Variants in HTR2C observed in about 807,000 individuals in gnomAD.
The protein encoded by HTR2C is 5-hydroxytryptamine (serotonin) receptor 2C, G protein-coupled.
Under a neutral mutation model 21.0 loss-of-function variants are expected in HTR2C, and 5 were observed. The observed-to-expected ratio is 0.24, with a 90% CI of 0.12 to 0.50. The LOEUF (loss-of-function observed/expected upper bound fraction) is 0.50. HTR2C is among the 20% of genes least tolerant of loss of function. The probability of loss-of-function intolerance (pLI) is 0.98; values close to 1 mark genes in which losing one functional copy is unlikely to be tolerated. For missense variants in HTR2C, 271 were observed against 371.2 expected, an observed-to-expected ratio of 0.73 and a Z score of 2.22; for synonymous variants, 150 against 145.3, an observed-to-expected ratio of 1.03 and a Z score of -0.23.
chrX:114,727,932 A>G (rs2147342866), intron 3 of HTR2C, among the ~76,000 whole-genome samples: 1 of 111,774 alleles, frequency 8.9e-6, no homozygotes, highest in South Asian at 3.7e-4. Context: ...GGGTATGGGA[A>G]AATGAAAGGA....
Position 114,731,411 on chromosome X carries a change from G to T in HTR2C, c.153G>T (p.Gly51=). 1 of 1,209,024 alleles carries T rather than the reference G, an allele frequency of 8.3e-7. No individual in the cohort carries two copies. Among genetic ancestry groups the T allele is most frequent in the Non-Finnish European group, 1.1e-6 (1 of 893,711 alleles). The stretch of plus-strand genomic sequence containing the variant: ...GTGGACGCTTCAAATTCCCAGACGG[G>T]GTACAAAACTGGCCAGCACTTTCAA... ...SDGGRFKFPD[G]VQNWPALSIV... Residue 51 remains glycine, a synonymous_variant, in exon 4 of 6, where the codon GGG becomes GGT. Coordinates refer to ENST00000276198, the MANE Select transcript of HTR2C (RefSeq NM_000868.4).
At chrX:114,597,820 G>C (rs1378579485) in intron 1 of HTR2C, among the ~76,000 whole-genome samples, 2 of 111,946 alleles carry the variant, frequency 1.8e-5, no homozygotes, top group African/African-American at 6.5e-5. Flanking sequence ...AGGTTGTAGA[G>C]AGAAAAGAAA....
intron 3 of HTR2C, among the ~76,000 whole-genome samples, chrX:114,729,806 A>C (rs1200940374): frequency 9.0e-5 from 10 of 111,146 alleles, no homozygotes; most frequent in African/African-American, 2.9e-4. Context: ...AAAAATACAT[A>C]ATATGGAGAA....
intron 4 of HTR2C, among the ~76,000 whole-genome samples, chrX:114,824,608 G>C (rs967581321): frequency 1.8e-5 from 2 of 111,515 alleles, no homozygotes; most frequent in Non-Finnish European, 3.8e-5. Context: ...CTTTAAATTA[G>C]GGTCAAGTTA....
At chrX:114,867,956 T>G (rs1018667658) in intron 5 of HTR2C, among the ~76,000 whole-genome samples, 14 of 111,816 alleles carry the variant, frequency 1.3e-4, no homozygotes, top group Non-Finnish European at 2.3e-4. Flanking sequence ...TCTAGTTTAG[T>G]TCTTTTGCTT....
At chrX:114,728,813 T>C (rs1484813620) in intron 3 of HTR2C, among the ~76,000 whole-genome samples, 3 of 111,938 alleles carry the variant, frequency 2.7e-5, no homozygotes, top group African/African-American at 9.7e-5. Flanking sequence ...TTCTGTTATA[T>C]ATAATTTGTC....
At chrX:114,670,872 T>TA (rs1276957145) in intron 2 of HTR2C, among the ~76,000 whole-genome samples, 2 of 111,918 alleles carry the variant, frequency 1.8e-5, no homozygotes, top group Admixed American at 1.9e-4. Context: ...TTAACTATAG[T>TA]AGTGTTTTAT....
intron 4 of HTR2C, among the ~76,000 whole-genome samples, chrX:114,733,946 C>T (rs922102949): frequency 4.6e-5 from 5 of 109,660 alleles, no homozygotes; most frequent in African/African-American, 6.6e-5. Context: ...ATGATCAAGC[C>T]GAAGAATATG....
intron 5 of HTR2C, among the ~76,000 whole-genome samples, chrX:114,877,877 A>G (rs2071151265): frequency 9.0e-6 from 1 of 110,746 alleles, no homozygotes; most frequent in Non-Finnish European, 1.9e-5. Flanking sequence ...AACCTAACAA[A>G]TGCTCTATCC....
At chrX:114,852,763 TTGTGTGTG>T (rs58478809) in intron 5 of HTR2C, among the ~76,000 whole-genome samples, 111 of 102,493 alleles carry the variant, frequency 1.1e-3, no homozygotes, top group South Asian at 4.7e-3. Flanking sequence ...CTAAGAATAA[TTGTGTGTG>T]TGTGTGTGTG....
intron 4 of HTR2C, among the ~76,000 whole-genome samples, chrX:114,781,667 A>AT (rs2070119166): frequency 9.1e-6 from 1 of 109,318 alleles, no homozygotes; most frequent in African/African-American, 3.3e-5. Flanking sequence ...CACCCAGTTA[A>AT]TTTTTAAATT....
chrX:114,880,735 A>G (rs2071174580), intron 5 of HTR2C, among the ~76,000 whole-genome samples: 1 of 111,507 alleles, frequency 9.0e-6, no homozygotes, highest in Non-Finnish European at 1.9e-5. Context: ...TTCAAGGTTT[A>G]TTCATGTTAG....
chrX:114,767,366 G>A (rs949307414), intron 4 of HTR2C, among the ~76,000 whole-genome samples: 2 of 110,713 alleles, frequency 1.8e-5, no homozygotes, highest in African/African-American at 6.5e-5. Context: ...GCTTGCACTG[G>A]CTAAGAAAAA....
intron 2 of HTR2C, among the ~76,000 whole-genome samples, chrX:114,661,568 A>G (rs1337430688): frequency 9.1e-6 from 1 of 110,262 alleles, no homozygotes; most frequent in African/African-American, 3.3e-5. Context: ...ATGGGGTTTC[A>G]CCATGTTGGC....
intron 2 of HTR2C, among the ~76,000 whole-genome samples, chrX:114,644,362 A>ATATATATATAT (rs1930262960): frequency 1.3e-4 from 5 of 38,248 alleles, no homozygotes; most frequent in African/African-American, 3.9e-4. Context: ...TAAATAAATA[A>ATATATATATAT]ATATATATAT....
chrX:114,724,616 G>T (rs1303232328), intron 2 of HTR2C, among the ~76,000 whole-genome samples: 7 of 96,016 alleles, frequency 7.3e-5, no homozygotes, highest in African/African-American at 2.6e-4. Context: ...AGTCTTGATG[G>T]TCTTTACAAT....
intron 2 of HTR2C, among the ~76,000 whole-genome samples, chrX:114,644,455 G>A (rs1398650757): frequency 2.2e-5 from 2 of 92,890 alleles, no homozygotes; most frequent in African/African-American, 8.1e-5. Context: ...CATATTGTAA[G>A]TGCATGGGAA....
chrX:114,711,768 A>G (rs1284416919), intron 2 of HTR2C, among the ~76,000 whole-genome samples: 1 of 112,111 alleles, frequency 8.9e-6, no homozygotes, highest in Non-Finnish European at 1.9e-5. Flanking sequence ...CTTTTTCTGT[A>G]ATATGCATTT....
At chrX:114,725,491 C>T (rs955800191) in intron 2 of HTR2C, among the ~76,000 whole-genome samples, 1 of 111,882 alleles carries the variant, frequency 8.9e-6, no homozygotes. Flanking sequence ...GTAATTTGAT[C>T]GTCTGGAGCC....
Sources: allele counts gnomAD v4.1 joint callset (sites outside exome capture counted in the v4.1 genomes callset), GRCh38; gene constraint gnomAD v4.1.1; transcripts MANE v1.5; gene names NCBI Gene and HGNC (gene_info 2026-07-23, HGNC 2026-07-21).